Variants in EBF3 observed in about 807,000 individuals in gnomAD.
EBF3 encodes transcription factor COE3.
A neutral mutation model predicts 77.1 loss-of-function variants in EBF3; 18 were observed. That is an observed-to-expected ratio of 0.23 (90% CI 0.16 to 0.35). The LOEUF (loss-of-function observed/expected upper bound fraction) is 0.35. EBF3 is among the 10% of genes least tolerant of loss of function. The pLI, the probability that EBF3 is intolerant of heterozygous loss-of-function variation, is 1.00. For synonymous variants in EBF3, 350 were observed against 343.5 expected (o/e 1.02, Z -0.21); for missense variants, 558 against 860.0 (o/e 0.65, Z 4.39).
intron 10 of EBF3, among the ~76,000 whole-genome samples, chr10:129,860,266 G>A (rs10829654): frequency 0.12 from 18,556 of 151,882 alleles, 1,207 homozygotes; most frequent in East Asian, 0.19. Flanking sequence ...CTGCAGCACC[G>A]AGAAGGACCA....
chr10:129,956,071 T>C (rs1046597554), intron 6 of EBF3, among the ~76,000 whole-genome samples: 3 of 152,224 alleles, frequency 2.0e-5, no homozygotes, highest in Admixed American at 1.3e-4. Context: ...TCAACCCTAT[T>C]TGATTACTAA....
In EBF3 at chr10:129,901,789, G is replaced by C. The variant is rs1002145200; in HGVS notation, c.555-23940C>G. ...CGGCGCCCTCGGTACAGTTTGCTCT[G>C]GTTTAATGAGTTGGGGTGGGCCTCG... On this transcript the variant is annotated intron_variant, in intron 6 of 16. Transcript: ENST00000440978. Among the ~76,000 whole-genome samples the C allele has an allele frequency of 2.0e-5, 3 of 152,108 alleles. No individual in the cohort carries two copies. In the South Asian group the frequency reaches 6.2e-4, roughly 31 times the overall value.
At chr10:129,873,648 C>T in intron 7 of EBF3, 52 bp from the exon 8 acceptor site, 1 of 1,442,694 alleles carries the variant, frequency 6.9e-7, no homozygotes, top group Non-Finnish European at 9.2e-7. Flanking sequence ...AAAGCAGAGC[C>T]CCCTGTTAGG....
At chr10:129,928,929 T>C (rs894206626) in intron 6 of EBF3, among the ~76,000 whole-genome samples, 13 of 152,228 alleles carry the variant, frequency 8.5e-5, no homozygotes, top group Non-Finnish European at 1.9e-4. Flanking sequence ...TGATAATCCA[T>C]TAGCAGTTAG....
chr10:129,937,732 C>T (rs1054942017), intron 6 of EBF3, among the ~76,000 whole-genome samples: 9 of 152,184 alleles, frequency 5.9e-5, no homozygotes, highest in Non-Finnish European at 1.0e-4. Flanking sequence ...CATGGCCCAC[C>T]CCCAGGCCAA....
At chr10:129,840,576 G>A (rs1015359337) in intron 14 of EBF3, 134 bp from the exon 15 acceptor site, 30 of 1,072,352 alleles carry the variant, frequency 2.8e-5, no homozygotes, top group South Asian at 9.3e-5. Flanking sequence ...GCTCGGCCAC[G>A]CTCTGGATAA....
chr10:129,908,884 CTT>C (rs955326198), intron 6 of EBF3, among the ~76,000 whole-genome samples: 20 of 152,198 alleles, frequency 1.3e-4, no homozygotes, highest in East Asian at 3.8e-4. Flanking sequence ...TAAGTCGACT[CTT>C]TGCAAATTCT....
At chr10:129,918,644 C>G (rs1002819184) in intron 6 of EBF3, among the ~76,000 whole-genome samples, 3 of 152,348 alleles carry the variant, frequency 2.0e-5, no homozygotes, top group African/African-American at 4.8e-5. Flanking sequence ...GCCCTACCCC[C>G]CTCCCCAGCT....
chr10:129,942,293 C>T (rs750474810), intron 6 of EBF3, among the ~76,000 whole-genome samples: 50 of 152,304 alleles, frequency 3.3e-4, no homozygotes, highest in South Asian at 1.7e-3. Flanking sequence ...CCTTCTTTAG[C>T]CCTGTGGACC....
chr10:129,915,466 A>G (rs999126567), intron 6 of EBF3, among the ~76,000 whole-genome samples: 20 of 115,554 alleles, frequency 1.7e-4, no homozygotes, highest in African/African-American at 5.4e-4. Flanking sequence ...ACACATGCAC[A>G]CACACACACA....
intron 6 of EBF3, among the ~76,000 whole-genome samples, chr10:129,886,806 C>T (rs972254540): frequency 7.2e-5 from 11 of 152,146 alleles, no homozygotes; most frequent in East Asian, 1.9e-4. Context: ...CACATTAGCA[C>T]GGTTCTCCTA....
At position 129,837,930 on chromosome 10, in the gene EBF3, C is replaced by CACATTGGCGGGACTACCAGCCCAG; in HGVS notation, c.1879_*12dup. 1 of 1,614,188 alleles carries CACATTGGCGGGACTACCAGCCCAG rather than the reference C, an allele frequency of 6.2e-7. No homozygotes were observed. Among genetic ancestry groups the CACATTGGCGGGACTACCAGCCCAG allele is most frequent in the Non-Finnish European group, 8.5e-7 (1 of 1,180,032 alleles). The stretch of plus-strand genomic sequence containing the variant: ...CTGCGGAAGGTAAACAGAAGTCCCT[C>CACATTGGCGGGACTACCAGCCCAG]ACATTGGCGGGACTACCAGCCCAGA... On this transcript the variant is annotated 3_prime_UTR_variant, in exon 17 of 17. Coordinates refer to ENST00000440978, the MANE Select transcript of EBF3 (RefSeq NM_001375380.1).
chr10:129,931,501 A>G (rs570733833), intron 6 of EBF3, among the ~76,000 whole-genome samples: 1 of 152,350 alleles, frequency 6.6e-6, no homozygotes, highest in South Asian at 2.1e-4. Flanking sequence ...GTCATCTCTG[A>G]GAACTGGGCC....
Position 129,835,913 on chromosome 10 carries a change from C to G in EBF3, c.*2030G>C, listed in dbSNP as rs533182223. The G allele has an allele frequency of 2.0e-3, 309 of 151,320 alleles. 4 individuals carry two copies. The highest frequency in any genetic ancestry group is 0.011 in the Middle Eastern group (3 of 282). 9.4% of individuals were successfully genotyped at this position (151,320 alleles called of 1,614,324 possible). A position where few individuals can be genotyped will look rare whatever the true frequency, so the allele number is the denominator to read the frequency against. ...GGTTTGGCACTAAGAGGCACGATAT[C>G]TGAAGGAGGTCATTCCAGTTTTAAA... On this transcript the variant is annotated 3_prime_UTR_variant, in exon 17 of 17. Coordinates refer to ENST00000440978, the MANE Select transcript of EBF3 (RefSeq NM_001375380.1).
At chr10:129,840,209 A>G (rs1172177547) in intron 15 of EBF3, 36 bp downstream of exon 15, 1 of 1,149,054 alleles carries the variant, frequency 8.7e-7, no homozygotes, top group Non-Finnish European at 1.2e-6. Context: ...CCTGGAGAGG[A>G]CCCAGCACTG....
chr10:129,857,621 C>T (rs1333305135), intron 10 of EBF3, among the ~76,000 whole-genome samples: 2 of 152,226 alleles, frequency 1.3e-5, no homozygotes, highest in Admixed American at 6.5e-5. Flanking sequence ...GCTTCATTCC[C>T]GCAAGACCTC....
At chr10:129,889,802 CAA>C (rs57252162) in intron 6 of EBF3, among the ~76,000 whole-genome samples, 8 of 114,908 alleles carry the variant, frequency 7.0e-5, no homozygotes, top group Admixed American at 9.1e-5. Context: ...GTCACATCTG[CAA>C]AAAAAAAAAA....
At chr10:129,858,988 A>G in intron 10 of EBF3, among the ~76,000 whole-genome samples, 1 of 152,294 alleles carries the variant, frequency 6.6e-6, no homozygotes, top group East Asian at 1.9e-4. Context: ...GAGCTTCTCT[A>G]TTTAAAATTT....
At chr10:129,917,055 G>A (rs181410063) in intron 6 of EBF3, among the ~76,000 whole-genome samples, 75 of 152,248 alleles carry the variant, frequency 4.9e-4, no homozygotes, top group Admixed American at 2.7e-3. Flanking sequence ...AAACAAAACC[G>A]GTTACTTGTC....
Sources: gnomAD v4.1 joint callset for allele counts (sites outside exome capture counted in the v4.1 genomes callset) on GRCh38, gnomAD v4.1.1 for gene constraint, MANE v1.5 for transcripts, NCBI Gene and HGNC (gene_info 2026-07-23, HGNC 2026-07-21) for gene names.